Variants in OXR1 observed in about 807,000 individuals in gnomAD.
OXR1 encodes oxidation resistance 1, also known as oxidation resistance protein 1.
In OXR1, 41 loss-of-function variants were observed where a neutral mutation model predicts 104.6. That is an observed-to-expected ratio of 0.39 (90% CI 0.31 to 0.51). The LOEUF is 0.51. Among genes scored for constraint, OXR1 ranks in the 20% least tolerant of loss-of-function variants. OXR1 has a pLI of 0.77. For missense variants in OXR1, 955 were observed against 1,031.9 expected (o/e 0.93, Z 1.02); for synonymous variants, 348 against 348.4 (o/e 1.00, Z 0.01).
chr8:106,644,371 C>A (rs576887044), intron 3 of OXR1, among the ~76,000 whole-genome samples: 45 of 152,330 alleles, frequency 3.0e-4, no homozygotes, highest in African/African-American at 9.6e-4. Flanking sequence ...GTAACTTAAT[C>A]ATTTGCAAAA....
chr8:106,540,378 G>A (rs1814858720), intron 3 of OXR1, among the ~76,000 whole-genome samples: 1 of 151,616 alleles, frequency 6.6e-6, no homozygotes, highest in Non-Finnish European at 1.5e-5. Flanking sequence ...TATATATAAG[G>A]GATTCTAGAC....
intron 2 of OXR1, among the ~76,000 whole-genome samples, chr8:106,436,047 G>T (rs1411249426): frequency 6.6e-6 from 1 of 151,962 alleles, no homozygotes; most frequent in Non-Finnish European, 1.5e-5. Context: ...TTTCCAAGGA[G>T]AAATTTAAAA....
intron 16 of OXR1, among the ~76,000 whole-genome samples, chr8:106,748,931 A>G (rs1252225548): frequency 1.3e-5 from 2 of 152,072 alleles, no homozygotes; most frequent in Admixed American, 6.5e-5. Flanking sequence ...TTAGAAACAC[A>G]TCTCTATACT....
chr8:106,521,348 A>G (rs1231352767), intron 3 of OXR1, among the ~76,000 whole-genome samples: 1 of 152,172 alleles, frequency 6.6e-6, no homozygotes, highest in Non-Finnish European at 1.5e-5. Context: ...GGTAAGTGTT[A>G]CACCCTATTT....
At chr8:106,455,087 C>T (rs982504961) in intron 2 of OXR1, among the ~76,000 whole-genome samples, 7 of 152,044 alleles carry the variant, frequency 4.6e-5, no homozygotes, top group Non-Finnish European at 8.8e-5. Flanking sequence ...CTTTTATTTG[C>T]TTATGGAGTG....
chr8:106,416,070 G>A (rs1035258552), intron 2 of OXR1, among the ~76,000 whole-genome samples: 1 of 152,142 alleles, frequency 6.6e-6, no homozygotes, highest in Non-Finnish European at 1.5e-5. Flanking sequence ...AATGTAGTCT[G>A]TAAGTGTTAT....
chr8:106,706,249 AT>A (rs1831136967), intron 8 of OXR1, 132 bp from the exon 9 acceptor site: 1 of 550,186 alleles, frequency 1.8e-6, no homozygotes, highest in Non-Finnish European at 3.0e-6. Context: ...GATTTTTTAT[AT>A]TCTTTGGAGA....
chr8:106,301,808 G>A (rs543631277), intron 1 of OXR1, among the ~76,000 whole-genome samples: 3 of 152,294 alleles, frequency 2.0e-5, no homozygotes, highest in South Asian at 2.1e-4. Context: ...AGAATAGGTA[G>A]AAATATCGAG....
chr8:106,636,199 G>GA (rs1229882683), intron 3 of OXR1, among the ~76,000 whole-genome samples: 2 of 152,102 alleles, frequency 1.3e-5, no homozygotes, highest in African/African-American at 4.8e-5. Context: ...AAGGCCTTTT[G>GA]ATGTTATGTG....
At chr8:106,542,813 G>T (rs1159377277) in intron 3 of OXR1, among the ~76,000 whole-genome samples, 1 of 152,016 alleles carries the variant, frequency 6.6e-6, no homozygotes, top group Non-Finnish European at 1.5e-5. Flanking sequence ...ATAATTATGT[G>T]TCAGTTCTGG....
At chr8:106,537,850 G>T (rs1370410530) in intron 3 of OXR1, among the ~76,000 whole-genome samples, 1 of 152,102 alleles carries the variant, frequency 6.6e-6, no homozygotes, top group Non-Finnish European at 1.5e-5. Context: ...GGATCTTGAA[G>T]TAGAAACCTG....
intron 2 of OXR1, among the ~76,000 whole-genome samples, chr8:106,415,603 G>GT: frequency 9.1e-6 from 1 of 110,202 alleles, no homozygotes; most frequent in South Asian, 3.2e-4. Context: ...GACAGAGAGG[G>GT]AATTGCTTCC....
chr8:106,351,969 C>T (rs1442281052), intron 1 of OXR1, among the ~76,000 whole-genome samples: 1 of 152,080 alleles, frequency 6.6e-6, no homozygotes, highest in Non-Finnish European at 1.5e-5. Context: ...AGTTGGTAAT[C>T]GCATCCAGGA....
At chr8:106,278,914 T>C (rs1271300398) in intron 1 of OXR1, among the ~76,000 whole-genome samples, 1 of 152,310 alleles carries the variant, frequency 6.6e-6, no homozygotes, top group Admixed American at 6.5e-5. Flanking sequence ...CTGCTTGTGG[T>C]AAGTATGTCA....
At chr8:106,662,855 G>GATT in intron 3 of OXR1, among the ~76,000 whole-genome samples, 1 of 151,764 alleles carries the variant, frequency 6.6e-6, no homozygotes, top group Non-Finnish European at 1.5e-5. Flanking sequence ...TGATGATGAT[G>GATT]ATGATGATGA....
At chr8:106,669,653 T>C (rs938051184) in intron 3 of OXR1, among the ~76,000 whole-genome samples, 4 of 152,088 alleles carry the variant, frequency 2.6e-5, no homozygotes, top group Non-Finnish European at 5.9e-5. Flanking sequence ...CTCAATGTTT[T>C]AAATAGTCAA....
intron 3 of OXR1, among the ~76,000 whole-genome samples, chr8:106,533,091 C>A (rs914876498): frequency 6.6e-6 from 1 of 152,176 alleles, no homozygotes; most frequent in African/African-American, 2.4e-5. Context: ...TTTTTCTCAG[C>A]TGTGACAGTT....
At chr8:106,530,553 G>A (rs1175315689) in intron 3 of OXR1, among the ~76,000 whole-genome samples, 1 of 152,152 alleles carries the variant, frequency 6.6e-6, no homozygotes, top group Admixed American at 6.6e-5. Context: ...TATTACTTAT[G>A]AGAATGGAAA....
rs185926677 is a variant in OXR1, at chr8:106,407,596, A to G, written c.23+47960A>G. ...TCTCAAGAGTTAAACAGTTTCCCCAAGATCACATAGCTGGGTAATGATTGG... is the reference window on the plus strand; with the variant it reads ...TCTCAAGAGTTAAACAGTTTCCCCAGGATCACATAGCTGGGTAATGATTGG... On this transcript the variant is annotated intron_variant, in intron 2 of 16. Transcript: ENST00000517566. Among the ~76,000 whole-genome samples, 18 of 152,310 alleles carry G rather than the reference A, an allele frequency of 1.2e-4. No homozygotes were observed. The East Asian group carries it at 1.4e-3, about 11-fold the overall frequency.
Sources: gnomAD v4.1 joint callset for allele counts (sites outside exome capture counted in the v4.1 genomes callset) on GRCh38, gnomAD v4.1.1 for gene constraint, MANE v1.5 for transcripts, NCBI Gene and HGNC (gene_info 2026-07-23, HGNC 2026-07-21) for gene names.